MCTP1: variants seen among roughly 807,000 people sequenced by gnomAD.
The protein encoded by MCTP1 is multiple C2 and transmembrane domain-containing protein 1.
Under a neutral mutation model 120.6 loss-of-function variants are expected in MCTP1, and 69 were observed. That is an observed-to-expected ratio of 0.57 (90% CI 0.47 to 0.70). The LOEUF (loss-of-function observed/expected upper bound fraction) is 0.70. Among genes scored for constraint, MCTP1 ranks in the 30% least tolerant of loss-of-function variants. The pLI is 0.00. For synonymous variants in MCTP1, 529 were observed against 493.1 expected (o/e 1.07, Z -0.96); for missense variants, 1,203 against 1,248.8 (o/e 0.96, Z 0.55).
chr5:94,846,872 A>C (rs974162933), intron 17 of MCTP1, among the ~76,000 whole-genome samples: 1 of 151,932 alleles, frequency 6.6e-6, no homozygotes, highest in Non-Finnish European at 1.5e-5. Context: ...TTGATAATTC[A>C]AATGAGCATC....
At chr5:95,239,278 A>G (rs1267755367) in intron 1 of MCTP1, among the ~76,000 whole-genome samples, 1 of 152,170 alleles carries the variant, frequency 6.6e-6, no homozygotes, top group Admixed American at 6.5e-5. Context: ...TCAAGTTCCT[A>G]AACTTTCTAT....
At chr5:94,981,071 G>T (rs1295448003) in intron 2 of MCTP1, among the ~76,000 whole-genome samples, 1 of 152,126 alleles carries the variant, frequency 6.6e-6, no homozygotes, top group African/African-American at 2.4e-5. Flanking sequence ...TTCAAAACTT[G>T]CAATTATCCT....
At chr5:94,789,372 A>C (rs933137643) in intron 18 of MCTP1, 1 of 152,236 alleles carries the variant, frequency 6.6e-6, no homozygotes, top group Non-Finnish European at 1.5e-5. Flanking sequence ...TTGACTTTTA[A>C]AAATAGAAGT....
chr5:95,076,689 T>C (rs1412734136), intron 1 of MCTP1, among the ~76,000 whole-genome samples: 1 of 152,174 alleles, frequency 6.6e-6, no homozygotes, highest in Non-Finnish European at 1.5e-5. Flanking sequence ...ATCAAATGTA[T>C]TTCAAATAAC....
At chr5:95,039,310 T>C (rs1477079471) in intron 1 of MCTP1, among the ~76,000 whole-genome samples, 1 of 152,170 alleles carries the variant, frequency 6.6e-6, no homozygotes, top group Non-Finnish European at 1.5e-5. Flanking sequence ...TGGACAGTTG[T>C]TGGAAGTGGT....
chr5:95,186,777 C>A (rs540645960), intron 1 of MCTP1, among the ~76,000 whole-genome samples: 2 of 152,276 alleles, frequency 1.3e-5, no homozygotes, highest in South Asian at 2.1e-4. Flanking sequence ...AAAATCAAGA[C>A]AGTATGGTAG....
At chr5:95,168,909 C>T (rs1746819347) in intron 1 of MCTP1, among the ~76,000 whole-genome samples, 1 of 151,932 alleles carries the variant, frequency 6.6e-6, no homozygotes, top group Non-Finnish European at 1.5e-5. Flanking sequence ...TGCCTGATTG[C>T]CCTGGCCAGA....
chr5:94,803,889 T>A (rs1476791850), intron 17 of MCTP1, among the ~76,000 whole-genome samples: 6 of 152,112 alleles, frequency 3.9e-5, no homozygotes, highest in Non-Finnish European at 7.4e-5. Context: ...TGACTGAGAT[T>A]AGGCACATAA....
In MCTP1 at chr5:95,262,031, G is replaced by T. The variant is rs549956887; in HGVS notation, c.720+21825C>A. The stretch of plus-strand genomic sequence containing the variant: ...CACTTGGAGGGACATTACTTTGGGA[G>T]AGGCTGTGTCCTGAGGCCAACGGCA... On this transcript the variant is annotated intron_variant, in intron 1 of 22. Transcript: ENST00000515393. Among the ~76,000 whole-genome samples, 6 of 152,324 alleles carry T rather than the reference G, an allele frequency of 3.9e-5. No individual in the cohort carries two copies. In the South Asian group the frequency reaches 6.2e-4, roughly 16 times the overall value.
At chr5:94,959,670 T>A (rs1823632541) in intron 2 of MCTP1, among the ~76,000 whole-genome samples, 1 of 152,072 alleles carries the variant, frequency 6.6e-6, no homozygotes, top group African/African-American at 2.4e-5. Context: ...CCATTAACAA[T>A]TGCTACAAAG....
chr5:95,256,776 A>C (rs1757941087), intron 1 of MCTP1, among the ~76,000 whole-genome samples: 1 of 152,200 alleles, frequency 6.6e-6, no homozygotes, highest in Non-Finnish European at 1.5e-5. Context: ...GAGTAAGAGA[A>C]AGCAAGACGA....
Position 94,703,701 on chromosome 5 carries a change from A to G in MCTP1, c.*3795T>C, listed in dbSNP as rs1753944872. On this transcript the variant is annotated 3_prime_UTR_variant, in exon 23 of 23. Transcript: ENST00000515393. Reference sequence around the variant, plus strand: ...AAACTCATTTGAGGTCAGTTACAATATTTGATTGTTTTTATTTTTTGATTC... The same window carrying G: ...AAACTCATTTGAGGTCAGTTACAATGTTTGATTGTTTTTATTTTTTGATTC... 1 of 150,932 alleles carries G rather than the reference A, an allele frequency of 6.6e-6. No individual in the cohort carries two copies. The highest frequency in any genetic ancestry group is 2.1e-4 in the South Asian group (1 of 4,804). The allele number at this position is 150,932 out of a possible 1,614,324, so 9.3% of individuals were successfully genotyped here. A position where few individuals can be genotyped will look rare whatever the true frequency, so the allele number is the denominator to read the frequency against.
intron 2 of MCTP1, among the ~76,000 whole-genome samples, chr5:94,984,526 C>T (rs543200205): frequency 6.6e-6 from 1 of 152,072 alleles, no homozygotes; most frequent in East Asian, 1.9e-4. Context: ...GTCTTGAACG[C>T]CAGACTGATG....
intron 1 of MCTP1, among the ~76,000 whole-genome samples, chr5:95,274,148 C>A (rs1392138934): frequency 1.3e-5 from 2 of 152,200 alleles, no homozygotes; most frequent in Non-Finnish European, 2.9e-5. Flanking sequence ...ATTCTCACTA[C>A]CCCTCTGCCC....
chr5:95,029,563 CAG>C (rs1275835010), intron 1 of MCTP1, among the ~76,000 whole-genome samples: 3 of 152,162 alleles, frequency 2.0e-5, no homozygotes, highest in Non-Finnish European at 4.4e-5. Context: ...ACAAGGAAAG[CAG>C]CAAGAATCCG....
At chr5:94,782,523 G>A (rs1486250811) in intron 18 of MCTP1, among the ~76,000 whole-genome samples, 1 of 152,118 alleles carries the variant, frequency 6.6e-6, no homozygotes, top group Non-Finnish European at 1.5e-5. Flanking sequence ...ACTGCAAACT[G>A]AGCTTTTAAA....
At chr5:94,884,728 G>A (rs1227359754) in intron 12 of MCTP1, among the ~76,000 whole-genome samples, 1 of 152,016 alleles carries the variant, frequency 6.6e-6, no homozygotes, top group Non-Finnish European at 1.5e-5. Context: ...CTGTCAAATG[G>A]GGCTTAAATT....
At chr5:95,189,882 C>G (rs543342041) in intron 1 of MCTP1, among the ~76,000 whole-genome samples, 4 of 152,100 alleles carry the variant, frequency 2.6e-5, no homozygotes, top group Non-Finnish European at 5.9e-5. Flanking sequence ...ATCATATCCT[C>G]CCTTGACTAT....
intron 2 of MCTP1, among the ~76,000 whole-genome samples, chr5:94,988,622 T>A (rs1053596273): frequency 4.8e-5 from 7 of 147,252 alleles, no homozygotes; most frequent in African/African-American, 1.8e-4. Flanking sequence ...TTTTTGGTAC[T>A]TCACCTTCTA....
Sources: gnomAD v4.1 joint callset for allele counts (sites outside exome capture counted in the v4.1 genomes callset) on GRCh38, gnomAD v4.1.1 for gene constraint, MANE v1.5 for transcripts, NCBI Gene and HGNC (gene_info 2026-07-23, HGNC 2026-07-21) for gene names.